The following SULT6B1 variants were observed in gnomAD, a reference collection of about 807,000 sequenced individuals.
SULT6B1 encodes sulfotransferase 6B1.
A neutral mutation model predicts 37.2 loss-of-function variants in SULT6B1; 44 were observed. That is an observed-to-expected ratio of 1.18 (90% confidence interval 0.93 to 1.52). SULT6B1 has a LOEUF of 1.52. Ranked by LOEUF, SULT6B1 falls within the 40% of genes most tolerant of loss-of-function variation. The pLI, the probability that SULT6B1 is intolerant of heterozygous loss-of-function variation, is 0.00. For synonymous variants in SULT6B1, 140 were observed against 126.0 expected (o/e 1.11, Z -0.74); for missense variants, 450 against 361.0 (o/e 1.25, Z -2.00).
intron 1 of SULT6B1, 34 bp from the exon 2 acceptor site, chr2:37,187,501 C>A (rs373988958): frequency 7.3e-7 from 1 of 1,368,530 alleles, no homozygotes; most frequent in Non-Finnish European, 1.0e-6. Context: ...AAACTCATTA[C>A]GGAGTCTTGA....
upstream of SULT6B1, among the ~76,000 whole-genome samples, chr2:37,193,642 G>GAAGAAGAAGAAT (rs1553345882): frequency 1.3e-5 from 2 of 150,574 alleles, no homozygotes; most frequent in South Asian, 4.2e-4. Context: ...AGAAGAAGAA[G>GAAGAAGAAGAAT]AAGAAGAAGG....
Position 37,183,504 on chromosome 2 carries a change from C to G in SULT6B1, c.323G>C (p.Gly108Ala). 2 of 1,613,554 alleles carry G rather than the reference C, an allele frequency of 1.2e-6. No homozygotes were observed. The highest frequency in any genetic ancestry group is 1.7e-6 in the Non-Finnish European group (2 of 1,179,562). Residue 108 changes from glycine (G) to alanine (A), a missense_variant, in exon 3 of 7, where the codon GGC (glycine) becomes GCC (alanine). By Grantham distance (60) the Gly-to-Ala change is moderately conservative (BLOSUM62 0). Coordinates refer to ENST00000535679, the MANE Select transcript of SULT6B1 (RefSeq NM_001367551.1). ...GDSEKYQRMK[G>A]FPSPRILATH... ...TGCCAAAATCCTTGGTGATGGAAAG[C>G]CTTTCATTCTCTTAAAAATATACAC...
chr2:37,167,821 T>G lies in SULT6B1; in HGVS notation c.*114A>C. ...TATTATTATTTTGTATTGTATTATTTAGATTTCAATATTGTTTAATTATTA... is the reference window on the plus strand; with the variant it reads ...TATTATTATTTTGTATTGTATTATTGAGATTTCAATATTGTTTAATTATTA... On this transcript the variant is annotated 3_prime_UTR_variant, in exon 7 of 7. Transcript: ENST00000535679. 2.2e-6 allele frequency: 2 copies of G among 896,426 alleles called. No individual in the cohort carries two copies. Among genetic ancestry groups the G allele is most frequent in the South Asian group, 2.2e-5 (1 of 45,546 alleles). The allele number at this position is 896,426 out of a possible 1,614,324, so 55.5% of individuals were successfully genotyped here. A position where few individuals can be genotyped will look rare whatever the true frequency, so the allele number is the denominator to read the frequency against.
At position 37,179,562 on chromosome 2, in the gene SULT6B1, G is replaced by A; in HGVS notation, c.425C>T (p.Pro142Leu). Residue 142 changes from proline (P) to leucine (L), a missense_variant, in exon 4 of 7, where the codon CCT becomes CTT. Transcript: ENST00000535679. ...KAKILVIFRN[P>L]KDTAVSFLHF... is the part of the protein sequence containing the mutation. ...CAAAAAAGATACTGCTGTATCTTTAGGGTTTCGAAATATCACCAATATCTA... is the reference window on the plus strand; with the variant it reads ...CAAAAAAGATACTGCTGTATCTTTAAGGTTTCGAAATATCACCAATATCTA... The A allele has an allele frequency of 6.2e-7, 1 of 1,612,506 alleles. No individual in the cohort carries two copies. Among genetic ancestry groups the A allele is most frequent in the Non-Finnish European group, 8.5e-7 (1 of 1,179,712 alleles).
chr2:37,195,663 T>C (rs1013445243), intron 1 of SULT6B1, among the ~76,000 whole-genome samples: 1 of 152,226 alleles, frequency 6.6e-6, no homozygotes. Flanking sequence ...GTGCCTGTTT[T>C]GGGTGTTCCA....
intron 2 of SULT6B1, among the ~76,000 whole-genome samples, chr2:37,187,007 C>G (rs1446482958): frequency 6.6e-6 from 1 of 152,200 alleles, no homozygotes; most frequent in African/African-American, 2.4e-5. Context: ...GGTTTCTCAG[C>G]TTACTTTCCC....
chr2:37,169,785 G>A (rs1174773358), intron 6 of SULT6B1, among the ~76,000 whole-genome samples: 1 of 152,136 alleles, frequency 6.6e-6, no homozygotes, highest in Non-Finnish European at 1.5e-5. Flanking sequence ...GAGCCACCAT[G>A]TCCGGCCTTA....
At chr2:37,193,501 A>G (rs984993431), upstream of SULT6B1, among the ~76,000 whole-genome samples, 3 of 151,334 alleles carry the variant, frequency 2.0e-5, no homozygotes, top group Non-Finnish European at 4.4e-5. Flanking sequence ...TTTCCTTGGC[A>G]TTAAAGACAC....
At chr2:37,172,876 G>A (rs190526599) in intron 5 of SULT6B1, among the ~76,000 whole-genome samples, 65 of 149,712 alleles carry the variant, frequency 4.3e-4, no homozygotes, top group African/African-American at 1.6e-3. Flanking sequence ...TTTTTGAGAT[G>A]GAGTCTTGCT....
At chr2:37,169,648 C>A (rs567441511) in intron 6 of SULT6B1, among the ~76,000 whole-genome samples, 2 of 152,254 alleles carry the variant, frequency 1.3e-5, no homozygotes, top group East Asian at 3.9e-4. Context: ...GCCACCACGT[C>A]CAGCCCGAGC....
At chr2:37,184,797 A>C (rs1475990247) in intron 2 of SULT6B1, among the ~76,000 whole-genome samples, 1 of 151,832 alleles carries the variant, frequency 6.6e-6, no homozygotes, top group Middle Eastern at 3.2e-3. Context: ...GCGCCACTGC[A>C]CTCCAGCCTG....
At chr2:37,185,736 AAC>A (rs1553344198) in intron 2 of SULT6B1, among the ~76,000 whole-genome samples, 22 of 149,654 alleles carry the variant, frequency 1.5e-4, no homozygotes, top group African/African-American at 5.3e-4. Context: ...AAAAAAAAAA[AAC>A]AGAGAGAGAG....
At position 37,176,109 on chromosome 2, in the gene SULT6B1, T is replaced by C. The variant is rs563516093; in HGVS notation, c.530-883A>G. Among the ~76,000 whole-genome samples the C allele has an allele frequency of 2.6e-5, 4 of 152,302 alleles. No homozygotes were observed. The South Asian group carries it at 8.3e-4, about 32-fold the overall frequency. ...TGCAGATGCAGACACTGGTCAGCTGTGCTGGTTACTAGCTCTGTGACTTTG... is the reference window on the plus strand; with the variant it reads ...TGCAGATGCAGACACTGGTCAGCTGCGCTGGTTACTAGCTCTGTGACTTTG... On this transcript the variant is annotated intron_variant, in intron 4 of 6. Coordinates refer to ENST00000535679, the MANE Select transcript of SULT6B1 (RefSeq NM_001367551.1).
At chr2:37,189,270 A>T (rs1425860555), upstream of SULT6B1, among the ~76,000 whole-genome samples, 1 of 152,256 alleles carries the variant, frequency 6.6e-6, no homozygotes, top group Non-Finnish European at 1.5e-5. Context: ...GTGGAAATGT[A>T]TCTGAGTTAC....
intron 3 of SULT6B1, among the ~76,000 whole-genome samples, chr2:37,182,339 C>T (rs533988998): frequency 1.4e-3 from 207 of 151,936 alleles, no homozygotes; most frequent in Non-Finnish European, 2.5e-3. Context: ...CTGCAACGTC[C>T]GCCTCTCAGA....
At chr2:37,190,846 G>A (rs1360363558), upstream of SULT6B1, among the ~76,000 whole-genome samples, 1 of 152,128 alleles carries the variant, frequency 6.6e-6, no homozygotes, top group African/African-American at 2.4e-5. Context: ...TCAGCCCAAT[G>A]GTAGTGGAGA....
intron 6 of SULT6B1, among the ~76,000 whole-genome samples, chr2:37,168,809 A>G (rs1014567708): frequency 1.3e-5 from 2 of 152,220 alleles, no homozygotes; most frequent in African/African-American, 4.8e-5. Flanking sequence ...GTTACCAGTA[A>G]AGAAAGTTAC....
rs1489700661 is a variant in SULT6B1, at chr2:37,175,237, A to AG, written c.530-12dup. 8 of 1,497,240 alleles carry AG rather than the reference A, an allele frequency of 5.3e-6. No individual in the cohort carries two copies. The highest frequency in any genetic ancestry group is 2.5e-5 in the South Asian group (2 of 80,414). 92.7% of individuals were successfully genotyped at this position (1,497,240 alleles called of 1,614,324 possible). A position where few individuals can be genotyped will look rare whatever the true frequency, so the allele number is the denominator to read the frequency against. On this transcript the variant is annotated splice_polypyrimidine_tract_variant and intron_variant, in intron 4 of 6. Coordinates refer to ENST00000535679, the MANE Select transcript of SULT6B1 (RefSeq NM_001367551.1). The stretch of plus-strand genomic sequence containing the variant: ...ACCTTCCCCAAGAAACTAAAAACAC[A>AG]GGGGGGAAGACTTTAAGAAATGTCA...
At chr2:37,175,298 AT>A in intron 4 of SULT6B1, 72 bp from the exon 5 acceptor site, 1 of 811,772 alleles carries the variant, frequency 1.2e-6, no homozygotes, top group South Asian at 2.0e-5. Context: ...AATTTATGCT[AT>A]AAAATATAAA....
Sources: allele counts gnomAD v4.1 joint callset (sites outside exome capture counted in the v4.1 genomes callset), GRCh38; gene constraint gnomAD v4.1.1; transcripts MANE v1.5; gene names NCBI Gene and HGNC (gene_info 2026-07-23, HGNC 2026-07-21).